Variants in SLC2A14 observed in about 807,000 individuals in gnomAD.
The protein encoded by SLC2A14 is solute carrier family 2, facilitated glucose transporter member 14.
Under a neutral mutation model 43.0 loss-of-function variants are expected in SLC2A14, and 13 were observed. The observed-to-expected ratio is 0.30, with a 90% CI of 0.20 to 0.48. SLC2A14 has a LOEUF of 0.48. SLC2A14 is among the 20% of genes least tolerant of loss of function. The probability of loss-of-function intolerance (pLI) is 0.99; values close to 1 mark genes in which losing one functional copy is unlikely to be tolerated. For synonymous variants in SLC2A14, 190 were observed against 233.8 expected (o/e 0.81, Z 1.71); for missense variants, 428 against 620.4 (o/e 0.69, Z 3.29).
At chr12:7,828,303 T>C (rs1297447478) in intron 6 of SLC2A14, among the ~76,000 whole-genome samples, 1 of 151,680 alleles carries the variant, frequency 6.6e-6, no homozygotes, top group Non-Finnish European at 1.5e-5. Flanking sequence ...AGGCAGAGGT[T>C]GCAGTGAACC....
At chr12:7,863,269 G>C in intron 2 of SLC2A14, 1 of 402,376 alleles carries the variant, frequency 2.5e-6, no homozygotes, top group South Asian at 1.8e-5. Flanking sequence ...TCCTGAGCCA[G>C]CAAGACCACG....
chr12:7,839,443 G>A (rs2120842937), intron 2 of SLC2A14, among the ~76,000 whole-genome samples: 1 of 152,332 alleles, frequency 6.6e-6, no homozygotes, highest in South Asian at 2.1e-4. Flanking sequence ...GAGAAATGAT[G>A]TTGAAGACAG....
intron 2 of SLC2A14, among the ~76,000 whole-genome samples, chr12:7,835,812 A>G (rs962369264): frequency 9.2e-5 from 14 of 152,250 alleles, no homozygotes; most frequent in Non-Finnish European, 4.4e-5. Flanking sequence ...CTCATAAAGA[A>G]CGACTTTTGT....
In SLC2A14 at chr12:7,827,588, G is replaced by A. The variant is rs776810602; in HGVS notation, c.771C>T (p.Thr257=). 106 of 1,613,018 alleles carry A rather than the reference G, an allele frequency of 6.6e-5. No homozygotes were observed. The highest frequency in any genetic ancestry group is 6.5e-4 in the Admixed American group (39 of 59,766). ...SARMSQEKQV[T]VLELFRVSSY... is the part of the protein sequence containing the mutation. ...TGGACACTCTAAAGAGCTCCAGCAC[G>A]GTGACTTGCTTTTCTTGTGACATCC... The change falls in exon 7 of 11, where the codon ACC becomes ACT. Residue 257 remains threonine, a synonymous_variant. Coordinates refer to ENST00000431042, the MANE Select transcript of SLC2A14 (RefSeq NM_001286234.2).
At chr12:7,886,009 G>A (rs1267402371) in intron 1 of SLC2A14, among the ~76,000 whole-genome samples, 1 of 150,158 alleles carries the variant, frequency 6.7e-6, no homozygotes, top group African/African-American at 2.4e-5. Flanking sequence ...TTTTGAGATG[G>A]AGTCTCACTC....
At chr12:7,842,201 A>G (rs1866010627) in intron 2 of SLC2A14, among the ~76,000 whole-genome samples, 1 of 152,126 alleles carries the variant, frequency 6.6e-6, no homozygotes, top group South Asian at 2.1e-4. Flanking sequence ...AGGTCCCTGC[A>G]TGTCTTTTCG....
chr12:7,835,269 C>T (rs1374849345), intron 2 of SLC2A14, among the ~76,000 whole-genome samples: 1 of 152,142 alleles, frequency 6.6e-6, no homozygotes, highest in Non-Finnish European at 1.5e-5. Context: ...CGCCTGTAGT[C>T]CCAGCTACTC....
At chr12:7,874,436 G>A (rs1433204082), upstream of SLC2A14, among the ~76,000 whole-genome samples, 1 of 151,898 alleles carries the variant, frequency 6.6e-6, no homozygotes, top group East Asian at 1.9e-4. Flanking sequence ...CACTTTGGGA[G>A]GCCGAGGCAG....
Position 7,821,247 on chromosome 12 carries a change from C to T in SLC2A14, c.943G>A (p.Val315Ile). The part of the protein sequence containing the change: ...PIYATISAGV[V>I]NTIFTLLSLF... ...GAAAGTAAAGTGAAGATAGTATTAACCACACCCGCGCTGATGGTGGCATAG... is the reference window on the plus strand; with the variant it reads ...GAAAGTAAAGTGAAGATAGTATTAATCACACCCGCGCTGATGGTGGCATAG... Residue 315 changes from valine to isoleucine, a missense_variant, in exon 8 of 11, where the codon GTT becomes ATT. Coordinates refer to ENST00000431042, the MANE Select transcript of SLC2A14 (RefSeq NM_001286234.2). 1 of 1,613,954 alleles carries T rather than the reference C, an allele frequency of 6.2e-7. No individual in the cohort carries two copies. The highest frequency in any genetic ancestry group is 8.5e-7 in the Non-Finnish European group (1 of 1,179,924).
At chr12:7,875,166 ATTT>A (rs1565585662), upstream of SLC2A14, among the ~76,000 whole-genome samples, 5 of 132,694 alleles carry the variant, frequency 3.8e-5, no homozygotes, top group African/African-American at 8.1e-5. Context: ...AAATATATAT[ATTT>A]AATTATATAT....
rs1253879866 is a variant in SLC2A14 at position 7,872,758 on chromosome 12, G to A, written c.-58+49C>T. 3 of 984,814 alleles carry A rather than the reference G, an allele frequency of 3.0e-6. No individual in the cohort carries two copies. In the East Asian group the frequency reaches 3.4e-4, roughly 112 times the overall value. 61.0% of individuals were successfully genotyped at this position (984,814 alleles called of 1,614,324 possible). A position where few individuals can be genotyped will look rare whatever the true frequency, so the allele number is the denominator to read the frequency against. On this transcript the variant is annotated intron_variant, in intron 1 of 10. Transcript: ENST00000431042. Reference sequence around the variant, plus strand: ...CTCGGCCACCTCTACCCCAGCTCAGGTCCTCATTCCCGCACCCCCCGGCCG... The same window carrying A: ...CTCGGCCACCTCTACCCCAGCTCAGATCCTCATTCCCGCACCCCCCGGCCG...
chr12:7,842,467 C>T lies in SLC2A14; in HGVS notation c.19-9653G>A, dbSNP rs747981631. On this transcript the variant is annotated intron_variant, in intron 2 of 10. Transcript: ENST00000431042. ...TGATCTTAGCCAAAAGGCCGAGAAG[C>T]GGGAAAAGACTTCTTCTATACAAGT... Among the ~76,000 whole-genome samples the T allele has an allele frequency of 1.4e-4, 21 of 152,288 alleles. 1 individual carries two copies. The South Asian group carries it at 2.9e-3, about 21-fold the overall frequency.
rs1208896159 is a variant in SLC2A14, at chr12:7,814,395, C to T, written c.1415G>A (p.Gly472Asp). Residue 472 changes from glycine to aspartate, a missense_variant, in exon 11 of 11, where the codon GGT becomes GAT. Coordinates refer to ENST00000431042, the MANE Select transcript of SLC2A14 (RefSeq NM_001286234.2). ...GCCGTCCTTCCCAGATCTATCTGCA[C>T]CGTGTGCCTGCCCTTCAAAGGCCCG... is the stretch of plus-strand genomic sequence containing the variant. ...ITRAFEGQAH[G>D]ADRSGKDGVM... 2 of 1,613,008 alleles carry T rather than the reference C, an allele frequency of 1.2e-6. No homozygotes were observed. The highest frequency in any genetic ancestry group is 2.7e-5 in the African/African-American group (2 of 74,768).
intron 6 of SLC2A14, among the ~76,000 whole-genome samples, chr12:7,828,257 C>A (rs570057465): frequency 6.6e-6 from 1 of 151,786 alleles, no homozygotes; most frequent in African/African-American, 2.4e-5. Flanking sequence ...CCCAGCTACT[C>A]GGGAGGCTAA....
upstream of SLC2A14, among the ~76,000 whole-genome samples, chr12:7,874,089 A>C (rs1393776297): frequency 6.6e-6 from 1 of 152,156 alleles, no homozygotes; most frequent in African/African-American, 2.4e-5. Flanking sequence ...TACATGAGAT[A>C]CCAATTCGTG....
intron 2 of SLC2A14, among the ~76,000 whole-genome samples, chr12:7,851,958 C>A (rs781249863): frequency 1.3e-5 from 2 of 152,152 alleles, no homozygotes; most frequent in Admixed American, 1.3e-4. Context: ...TACCTGGTGA[C>A]GGGACAGTGA....
chr12:7,826,719 C>G (rs1448837310), intron 7 of SLC2A14, among the ~76,000 whole-genome samples: 1 of 152,028 alleles, frequency 6.6e-6, no homozygotes, highest in Non-Finnish European at 1.5e-5. Context: ...TTGCCGCCCT[C>G]TTTAAACTAT....
chr12:7,875,101 T>A (rs1419523194), upstream of SLC2A14, among the ~76,000 whole-genome samples: 1 of 131,746 alleles, frequency 7.6e-6, no homozygotes, highest in Non-Finnish European at 1.6e-5. Flanking sequence ...TAAATTTAAA[T>A]ATTTAAATAT....
At chr12:7,823,872 C>T (rs1381932138) in intron 7 of SLC2A14, among the ~76,000 whole-genome samples, 1 of 152,096 alleles carries the variant, frequency 6.6e-6, no homozygotes, top group Non-Finnish European at 1.5e-5. Flanking sequence ...TAATATGGAC[C>T]TCTACATTGG....
Sources: gnomAD v4.1 joint callset for allele counts (sites outside exome capture counted in the v4.1 genomes callset) on GRCh38, gnomAD v4.1.1 for gene constraint, MANE v1.5 for transcripts, NCBI Gene and HGNC (gene_info 2026-07-23, HGNC 2026-07-21) for gene names.